Variants in NIBAN1 observed in about 807,000 individuals in gnomAD.
NIBAN1 encodes protein Niban 1.
NIBAN1 carries 81 observed loss-of-function variants against 75.1 expected under a neutral mutation model. That is an observed-to-expected ratio of 1.08 (90% confidence interval 0.90 to 1.30). The LOEUF is 1.30. Ranked by LOEUF, NIBAN1 falls within the 50% of genes most tolerant of loss-of-function variation. NIBAN1 has a pLI of 0.00. For missense variants in NIBAN1, 1,133 were observed against 1,128.1 expected, an observed-to-expected ratio of 1.00 and a Z score of -0.06; for synonymous variants, 436 against 424.8, an observed-to-expected ratio of 1.03 and a Z score of -0.32.
intron 5 of NIBAN1, among the ~76,000 whole-genome samples, chr1:184,863,523 G>A (rs1387675810): frequency 6.6e-6 from 1 of 152,172 alleles, no homozygotes; most frequent in Non-Finnish European, 1.5e-5. Context: ...ATTCCCAGAA[G>A]CAAGCAACTG....
At chr1:184,818,389 G>T (rs2102215050) in intron 9 of NIBAN1, among the ~76,000 whole-genome samples, 1 of 152,210 alleles carries the variant, frequency 6.6e-6, no homozygotes, top group African/African-American at 2.4e-5. Flanking sequence ...TGCTTCACTT[G>T]TACACACAGG....
chr1:184,822,252 G>A (rs1010334745), intron 8 of NIBAN1, among the ~76,000 whole-genome samples: 3 of 152,170 alleles, frequency 2.0e-5, no homozygotes, highest in Non-Finnish European at 2.9e-5. Context: ...GGGTTGTAGA[G>A]GCCCCAGATA....
intron 1 of NIBAN1, among the ~76,000 whole-genome samples, chr1:184,959,017 A>C (rs745623453): frequency 4.6e-5 from 7 of 152,356 alleles, no homozygotes; most frequent in Non-Finnish European, 8.8e-5. Flanking sequence ...CCAAATTTGG[A>C]AAATCTCTGA....
rs1181609932 is a variant in NIBAN1 at position 184,794,162 on chromosome 1, ATGTT to A, written c.*811_*814del. ...GTGGCATGCAGTAACTGTTCAAATA[ATGTT>A]TGTTTAATTGACGGGTTTTAAGCTC... On this transcript the variant is annotated 3_prime_UTR_variant, in exon 14 of 14. Coordinates refer to ENST00000367511, the MANE Select transcript of NIBAN1 (RefSeq NM_052966.4). 6.6e-6 allele frequency: 1 copy of A among 152,200 alleles called. No individual in the cohort carries two copies. Among genetic ancestry groups the A allele is most frequent in the Non-Finnish European group, 1.5e-5 (1 of 68,092 alleles). The allele number at this position is 152,200 out of a possible 1,614,324, so 9.4% of individuals were successfully genotyped here. A position where few individuals can be genotyped will look rare whatever the true frequency, so the allele number is the denominator to read the frequency against.
intron 1 of NIBAN1, among the ~76,000 whole-genome samples, chr1:184,956,913 T>C (rs1321127170): frequency 6.6e-6 from 1 of 152,222 alleles, no homozygotes; most frequent in Non-Finnish European, 1.5e-5. Flanking sequence ...CCACTGAGCG[T>C]TGATGTCTGT....
In NIBAN1 at chr1:184,803,585, T is replaced by C. The variant is rs774709043; in HGVS notation, c.1554A>G (p.Pro518=). ...TCTTTAGGGTAACTCATCCCCTTACTGGTTTGCATGTGGACGCCAGTGCCT... is the reference window on the plus strand; with the variant it reads ...TCTTTAGGGTAACTCATCCCCTTACCGGTTTGCATGTGGACGCCAGTGCCT... The part of the protein sequence containing the change: ...VQKALASTCK[P]ELQKYEQFIF... Residue 518 remains proline, a splice_region_variant and synonymous_variant, in exon 12 of 14, where the codon CCA becomes CCG. Coordinates refer to ENST00000367511, the MANE Select transcript of NIBAN1 (RefSeq NM_052966.4). 6 of 1,612,898 alleles carry C rather than the reference T, an allele frequency of 3.7e-6. No homozygotes were observed. The African/African-American group carries it at 6.7e-5, about 18-fold the overall frequency.
intron 1 of NIBAN1, among the ~76,000 whole-genome samples, chr1:184,914,721 CTTTTT>C (rs35169090): frequency 1.6e-5 from 2 of 126,378 alleles, no homozygotes; most frequent in African/African-American, 3.2e-5. Flanking sequence ...AGTTAACTTT[CTTTTT>C]TTTTTTTTTT....
intron 1 of NIBAN1, among the ~76,000 whole-genome samples, chr1:184,916,082 A>G (rs915724091): frequency 2.6e-5 from 4 of 152,266 alleles, no homozygotes; most frequent in Non-Finnish European, 5.9e-5. Flanking sequence ...GGATTCTTCC[A>G]GATCACTTGA....
At chr1:184,952,035 G>A (rs549720400) in intron 1 of NIBAN1, among the ~76,000 whole-genome samples, 24 of 152,284 alleles carry the variant, frequency 1.6e-4, no homozygotes, top group South Asian at 8.3e-4. Flanking sequence ...TGTTCATCCC[G>A]TTTCACAGAA....
At chr1:184,894,569 G>A (rs1002383736) in intron 2 of NIBAN1, among the ~76,000 whole-genome samples, 2 of 152,208 alleles carry the variant, frequency 1.3e-5, no homozygotes, top group African/African-American at 4.8e-5. Flanking sequence ...AAGTGTAAGT[G>A]TGGATACCTA....
At chr1:184,914,966 C>T (rs1182376166) in intron 1 of NIBAN1, among the ~76,000 whole-genome samples, 1 of 152,224 alleles carries the variant, frequency 6.6e-6, no homozygotes, top group Non-Finnish European at 1.5e-5. Flanking sequence ...TCGTGATCCG[C>T]CTGCCTTGGC....
chr1:184,824,564 A>G (rs1654793780), intron 6 of NIBAN1, among the ~76,000 whole-genome samples: 1 of 152,198 alleles, frequency 6.6e-6, no homozygotes, highest in African/African-American at 2.4e-5. Context: ...GAGGGAAATA[A>G]TCCTGCAGAA....
At chr1:184,969,179 A>C (rs74691760) in intron 1 of NIBAN1, among the ~76,000 whole-genome samples, 1 of 152,240 alleles carries the variant, frequency 6.6e-6, no homozygotes, top group Non-Finnish European at 1.5e-5. Flanking sequence ...ATCATTAAAC[A>C]TAATGGGAGA....
intron 5 of NIBAN1, among the ~76,000 whole-genome samples, chr1:184,858,076 ACC>A (rs1439450923): frequency 2.6e-5 from 4 of 152,142 alleles, no homozygotes; most frequent in Non-Finnish European, 5.9e-5. Context: ...AAAAATAGAC[ACC>A]TTTGCATGGC....
intron 1 of NIBAN1, among the ~76,000 whole-genome samples, chr1:184,932,636 T>C (rs1471360373): frequency 6.6e-6 from 1 of 152,138 alleles, no homozygotes; most frequent in African/African-American, 2.4e-5. Context: ...GGCCTGGCGG[T>C]TGGGAACTCC....
rs117560576 is a variant in NIBAN1 at position 184,856,885 on chromosome 1, G to A, written c.602-24923C>T. On this transcript the variant is annotated intron_variant, in intron 5 of 13. Transcript: ENST00000367511. Reference sequence around the variant, plus strand: ...TACTAGTGAAAGCAATGGGCCATGGGAGTCTGGTTTGGAATATGGATGTTT... The same window carrying A: ...TACTAGTGAAAGCAATGGGCCATGGAAGTCTGGTTTGGAATATGGATGTTT... Among the ~76,000 whole-genome samples, 700 of 152,306 alleles carry A rather than the reference G, an allele frequency of 4.6e-3. 12 individuals carry two copies. In the East Asian group the frequency reaches 0.072, roughly 16 times the overall value.
At chr1:184,911,464 A>G (rs1657239197) in intron 1 of NIBAN1, among the ~76,000 whole-genome samples, 1 of 152,214 alleles carries the variant, frequency 6.6e-6, no homozygotes, top group South Asian at 2.1e-4. Flanking sequence ...CACCAGGGAA[A>G]CCAGCTGACC....
At chr1:184,816,829 C>CTCAAATTTTCTCAAAT in intron 9 of NIBAN1, among the ~76,000 whole-genome samples, 1 of 149,334 alleles carries the variant, frequency 6.7e-6, no homozygotes, top group Admixed American at 6.7e-5. Context: ...TGGTCATTTT[C>CTCAAATTTTCTCAAAT]TCAAAATTGA....
intron 9 of NIBAN1, among the ~76,000 whole-genome samples, chr1:184,812,467 G>A (rs143043741): frequency 4.6e-5 from 7 of 152,174 alleles, no homozygotes; most frequent in Non-Finnish European, 1.0e-4. Context: ...TGGCATGCCG[G>A]CCAAAAGGTA....
Sources: gnomAD v4.1 joint callset for allele counts (sites outside exome capture counted in the v4.1 genomes callset) on GRCh38, gnomAD v4.1.1 for gene constraint, MANE v1.5 for transcripts, NCBI Gene and HGNC (gene_info 2026-07-23, HGNC 2026-07-21) for gene names.